LY86: variants seen among roughly 807,000 people sequenced by gnomAD.
The protein encoded by LY86 is lymphocyte antigen 86.
Under a neutral mutation model 17.3 loss-of-function variants are expected in LY86, and 20 were observed. That is an observed-to-expected ratio of 1.15 (90% CI 0.81 to 1.68). The LOEUF (loss-of-function observed/expected upper bound fraction) is 1.68, where lower values mean the gene tolerates loss of function less well. Ranked by LOEUF, LY86 falls within the 40% of genes most tolerant of loss-of-function variation. LY86 has a pLI of 0.00. For synonymous variants in LY86, 74 were observed against 70.6 expected (o/e 1.05, Z -0.24); for missense variants, 200 against 191.9 (o/e 1.04, Z -0.25).
chr6:6,620,285 C>A (rs1185146752), intron 1 of LY86, among the ~76,000 whole-genome samples: 1 of 152,104 alleles, frequency 6.6e-6, no homozygotes, highest in Non-Finnish European at 1.5e-5. Context: ...ACATATGAGA[C>A]CTCTCTGTAT....
At chr6:6,606,465 G>A (rs529396536) in intron 1 of LY86, among the ~76,000 whole-genome samples, 32 of 152,300 alleles carry the variant, frequency 2.1e-4, no homozygotes, top group East Asian at 3.9e-4. Context: ...CCCACACCGC[G>A]CACCCGCACT....
intron 3 of LY86, among the ~76,000 whole-genome samples, chr6:6,634,421 G>T (rs1394270804): frequency 6.6e-6 from 1 of 152,220 alleles, no homozygotes; most frequent in Non-Finnish European, 1.5e-5. Flanking sequence ...ATAAAACAGA[G>T]TAGATCCCCT....
intron 1 of LY86, among the ~76,000 whole-genome samples, chr6:6,612,556 A>C (rs1294115022): frequency 3.3e-5 from 5 of 152,008 alleles, no homozygotes; most frequent in African/African-American, 1.2e-4. Flanking sequence ...CGAAACAACC[A>C]GTTGTCACTA....
rs57873607 is a variant in LY86, at chr6:6,611,727, T to A, written c.137-13199T>A. Among the ~76,000 whole-genome samples, 77 of 152,328 alleles carry A rather than the reference T, an allele frequency of 5.1e-4. No homozygotes were observed. The East Asian group carries it at 0.012, about 23-fold the overall frequency. ...CCCCTTTCTCCTGAAAGTCAGGGGC[T>A]ATGCTTAAGACTAAATCACCTTTGT... On this transcript the variant is annotated intron_variant, in intron 1 of 4. Coordinates refer to ENST00000230568, the MANE Select transcript of LY86 (RefSeq NM_004271.4).
At chr6:6,608,871 T>C (rs781516408) in intron 1 of LY86, among the ~76,000 whole-genome samples, 3 of 152,256 alleles carry the variant, frequency 2.0e-5, no homozygotes, top group East Asian at 1.9e-4. Flanking sequence ...TCTTCTCCTT[T>C]ATTCATCCGA....
At position 6,618,132 on chromosome 6, in the gene LY86, C is replaced by T. The variant is rs183482930; in HGVS notation, c.137-6794C>T. ...CTGGGATTACAGGCCTGAGCCACCG[C>T]GCCTGGCTAGCGCATTGTTGATCTA... On this transcript the variant is annotated intron_variant, in intron 1 of 4. Coordinates refer to ENST00000230568, the MANE Select transcript of LY86 (RefSeq NM_004271.4). Among the ~76,000 whole-genome samples the T allele has an allele frequency of 9.3e-4, 141 of 152,318 alleles. 2 individuals carry two copies. The highest frequency in any genetic ancestry group is 3.2e-3 in the African/African-American group (132 of 41,572).
chr6:6,639,080 G>A (rs1286119074), intron 3 of LY86, among the ~76,000 whole-genome samples: 1 of 152,012 alleles, frequency 6.6e-6, no homozygotes, highest in African/African-American at 2.4e-5. Context: ...TATACACCAT[G>A]GAATACTATG....
At chr6:6,630,437 G>A (rs764479850) in intron 3 of LY86, among the ~76,000 whole-genome samples, 4 of 152,224 alleles carry the variant, frequency 2.6e-5, no homozygotes, top group Non-Finnish European at 5.9e-5. Context: ...TGTTAAAGCT[G>A]CCTTGGTCCT....
At chr6:6,654,492 G>C in intron 4 of LY86, 52 bp from the exon 5 acceptor site, 1 of 1,329,438 alleles carries the variant, frequency 7.5e-7, no homozygotes, top group Non-Finnish European at 1.1e-6. Context: ...TTGTTAAATG[G>C]TTAATTGTAC....
At chr6:6,640,359 AC>A (rs1762020010) in intron 3 of LY86, among the ~76,000 whole-genome samples, 1 of 151,638 alleles carries the variant, frequency 6.6e-6, no homozygotes, top group Non-Finnish European at 1.5e-5. Flanking sequence ...AGAATTCCAG[AC>A]CAGCCTGGGC....
chr6:6,592,682 TAAAAG>T (rs959516203), intron 1 of LY86, among the ~76,000 whole-genome samples: 1 of 152,100 alleles, frequency 6.6e-6, no homozygotes, highest in African/African-American at 2.4e-5. Context: ...ATTAATATCT[TAAAAG>T]AAGAGGCCAG....
At chr6:6,642,508 C>T (rs1228283342) in intron 3 of LY86, among the ~76,000 whole-genome samples, 1 of 152,210 alleles carries the variant, frequency 6.6e-6, no homozygotes, top group Non-Finnish European at 1.5e-5. Context: ...GCCTGGAATC[C>T]ATGGAAACCT....
chr6:6,596,642 TAA>T, intron 1 of LY86, among the ~76,000 whole-genome samples: 1 of 152,046 alleles, frequency 6.6e-6, no homozygotes, highest in East Asian at 1.9e-4. Context: ...GGCCCAAATT[TAA>T]AGAGAGGAAG....
intron 1 of LY86, among the ~76,000 whole-genome samples, chr6:6,621,847 A>C (rs2113135548): frequency 6.6e-6 from 1 of 152,332 alleles, no homozygotes; most frequent in East Asian, 1.9e-4. Flanking sequence ...TGCAGTATCT[A>C]GTGGAGGAAT....
At chr6:6,606,609 C>T (rs1761162001) in intron 1 of LY86, among the ~76,000 whole-genome samples, 1 of 152,216 alleles carries the variant, frequency 6.6e-6, no homozygotes, top group Non-Finnish European at 1.5e-5. Context: ...GGTCCCTAGC[C>T]CTGCCACGCG....
intron 3 of LY86, among the ~76,000 whole-genome samples, chr6:6,638,808 CT>C (rs1210524457): frequency 2.8e-5 from 3 of 105,418 alleles, no homozygotes; most frequent in African/African-American, 7.4e-5. Context: ...TCCCTCCCCC[CT>C]CCCCCCACCC....
intron 1 of LY86, among the ~76,000 whole-genome samples, chr6:6,611,097 G>A (rs1054563030): frequency 2.0e-5 from 3 of 152,114 alleles, no homozygotes; most frequent in Admixed American, 6.5e-5. Context: ...AGCCACCTCC[G>A]ACCTCCAGCC....
At chr6:6,593,157 TG>T (rs1176078082) in intron 1 of LY86, among the ~76,000 whole-genome samples, 1 of 152,280 alleles carries the variant, frequency 6.6e-6, no homozygotes, top group Non-Finnish European at 1.5e-5. Flanking sequence ...AGACAGGGCC[TG>T]GGCCTTGCTC....
intron 1 of LY86, among the ~76,000 whole-genome samples, chr6:6,595,168 G>A (rs1760659593): frequency 6.6e-6 from 1 of 151,054 alleles, no homozygotes; most frequent in African/African-American, 2.4e-5. Context: ...GAAAAGAGCG[G>A]AAGGAGGAGG....
Sources: gnomAD v4.1 joint callset for allele counts (sites outside exome capture counted in the v4.1 genomes callset) on GRCh38, gnomAD v4.1.1 for gene constraint, MANE v1.5 for transcripts, NCBI Gene and HGNC (gene_info 2026-07-23, HGNC 2026-07-21) for gene names.